Variants in CPNE4 observed in about 807,000 individuals in gnomAD.
The protein encoded by CPNE4 is copine-4.
In CPNE4, 25 loss-of-function variants were observed where a neutral mutation model predicts 67.9. The observed-to-expected ratio is 0.37, with a 90% confidence interval of 0.27 to 0.51. The LOEUF (loss-of-function observed/expected upper bound fraction) is 0.51, where lower values mean the gene tolerates loss of function less well. Among genes scored for constraint, CPNE4 ranks in the 20% least tolerant of loss-of-function variants. The pLI, the probability that CPNE4 is intolerant of heterozygous loss-of-function variation, is 0.93. For missense variants in CPNE4, 464 were observed against 690.8 expected, an observed-to-expected ratio of 0.67 and a Z score of 3.68; for synonymous variants, 242 against 244.9, an observed-to-expected ratio of 0.99 and a Z score of 0.11.
At chr3:131,754,525 A>G (rs1210037790) in intron 2 of CPNE4, among the ~76,000 whole-genome samples, 1 of 152,180 alleles carries the variant, frequency 6.6e-6, no homozygotes, top group Non-Finnish European at 1.5e-5. Context: ...ATATAGATAT[A>G]CTATCTCTCA....
chr3:131,930,311 AG>A (rs1432999122), intron 1 of CPNE4, among the ~76,000 whole-genome samples: 1 of 152,148 alleles, frequency 6.6e-6, no homozygotes, highest in Non-Finnish European at 1.5e-5. Context: ...CCAGAGGAAA[AG>A]GGTCATATAG....
At chr3:132,000,112 G>C (rs2073393216) in intron 1 of CPNE4, among the ~76,000 whole-genome samples, 2 of 151,624 alleles carry the variant, frequency 1.3e-5, no homozygotes, top group South Asian at 2.1e-4. Context: ...AAAAATAGTT[G>C]GGAAGATCGG....
intron 2 of CPNE4, among the ~76,000 whole-genome samples, chr3:131,834,931 A>C (rs2085499435): frequency 6.6e-6 from 1 of 152,220 alleles, no homozygotes; most frequent in Admixed American, 6.5e-5. Context: ...ACAGGAAATA[A>C]AAATTAATGA....
At chr3:131,703,645 C>G (rs72985803) in intron 3 of CPNE4, among the ~76,000 whole-genome samples, 1 of 152,092 alleles carries the variant, frequency 6.6e-6, no homozygotes, top group African/African-American at 2.4e-5. Context: ...AACTTTATTC[C>G]GAAGTCTTTC....
At chr3:131,918,095 T>C (rs2070625509) in intron 1 of CPNE4, among the ~76,000 whole-genome samples, 2 of 152,256 alleles carry the variant, frequency 1.3e-5, no homozygotes, top group African/African-American at 4.8e-5. Flanking sequence ...TAGCTGTTGA[T>C]ATTGTTTCCA....
chr3:132,039,543 A>C (rs1405311571), upstream of CPNE4: 4 of 152,220 alleles, frequency 2.6e-5, no homozygotes, highest in Non-Finnish European at 5.9e-5. Flanking sequence ...CTTTCTATTA[A>C]TGACTGAAAA....
chr3:131,989,725 A>G (rs902640730), intron 1 of CPNE4, among the ~76,000 whole-genome samples: 1 of 136,890 alleles, frequency 7.3e-6, no homozygotes, highest in African/African-American at 2.4e-5. Flanking sequence ...TGAGGAATAA[A>G]TCCAAATTTT....
intron 7 of CPNE4, among the ~76,000 whole-genome samples, chr3:131,633,506 T>C (rs1393199092): frequency 4.1e-5 from 6 of 147,924 alleles, no homozygotes; most frequent in East Asian, 1.9e-4. Flanking sequence ...AATAAAAACA[T>C]TGATTTTTTA....
At chr3:131,615,424 A>C (rs899729319) in intron 7 of CPNE4, among the ~76,000 whole-genome samples, 4 of 152,210 alleles carry the variant, frequency 2.6e-5, no homozygotes, top group African/African-American at 9.6e-5. Context: ...GAACGTGTGT[A>C]CTTCATTCTA....
At chr3:131,863,854 C>T (rs2086805663) in intron 2 of CPNE4, among the ~76,000 whole-genome samples, 1 of 152,204 alleles carries the variant, frequency 6.6e-6, no homozygotes, top group South Asian at 2.1e-4. Flanking sequence ...ACATTTAAGT[C>T]TTTAATCCAT....
chr3:131,868,939 C>A (rs575923172), intron 2 of CPNE4, among the ~76,000 whole-genome samples: 46 of 152,216 alleles, frequency 3.0e-4, no homozygotes, highest in Admixed American at 1.6e-3. Flanking sequence ...CCCAAAGTAT[C>A]TAAGTAAGAA....
chr3:132,010,697 G>A (rs1007671005), intron 1 of CPNE4, among the ~76,000 whole-genome samples: 1 of 152,144 alleles, frequency 6.6e-6, no homozygotes, highest in Non-Finnish European at 1.5e-5. Flanking sequence ...AGTCAGAGGG[G>A]CCGTGACTCT....
intron 1 of CPNE4, chr3:131,986,051 T>C (rs541611702): frequency 2.3e-4 from 36 of 153,498 alleles, no homozygotes; most frequent in Middle Eastern, 7.3e-4. Context: ...GAAAACATTA[T>C]TTAAACATAT....
At chr3:131,581,814 TA>T in intron 8 of CPNE4, 149 bp from the exon 9 acceptor site, 2 of 630,374 alleles carry the variant, frequency 3.2e-6, no homozygotes, top group Non-Finnish European at 5.7e-6. Context: ...AGAGGAGCAA[TA>T]GGGGGAGTGG....
At chr3:131,652,345 G>C (rs944863735) in intron 7 of CPNE4, among the ~76,000 whole-genome samples, 1 of 152,186 alleles carries the variant, frequency 6.6e-6, no homozygotes, top group Non-Finnish European at 1.5e-5. Context: ...TTAGGAGATT[G>C]TCACCAGGTA....
chr3:132,005,366 CACACACATAT>C (rs1420059989), intron 1 of CPNE4, among the ~76,000 whole-genome samples: 24 of 81,576 alleles, frequency 2.9e-4, no homozygotes, highest in Non-Finnish European at 5.6e-4. Context: ...CACACACACA[CACACACATAT>C]ATGTTTATAT....
intron 7 of CPNE4, among the ~76,000 whole-genome samples, chr3:131,592,349 T>G (rs1294165798): frequency 6.6e-6 from 1 of 152,192 alleles, no homozygotes; most frequent in African/African-American, 2.4e-5. Context: ...CAACTAACAC[T>G]AGGTAATCCT....
intron 2 of CPNE4, among the ~76,000 whole-genome samples, chr3:131,849,274 G>A (rs2086139242): frequency 6.6e-6 from 1 of 152,068 alleles, no homozygotes; most frequent in East Asian, 1.9e-4. Context: ...TTCTTGCACT[G>A]CTATAAAGAA....
intron 6 of CPNE4, among the ~76,000 whole-genome samples, chr3:131,684,591 C>CT (rs771495309): frequency 5.3e-5 from 8 of 152,190 alleles, no homozygotes; most frequent in Non-Finnish European, 1.0e-4. Context: ...ACCTGCAACT[C>CT]TGTCACTTCA....
Sources: allele counts gnomAD v4.1 joint callset (sites outside exome capture counted in the v4.1 genomes callset), GRCh38; gene constraint gnomAD v4.1.1; transcripts MANE v1.5; gene names NCBI Gene and HGNC (gene_info 2026-07-23, HGNC 2026-07-21).